FN3KRP: variants seen among roughly 807,000 people sequenced by gnomAD.
The protein encoded by FN3KRP is ketosamine-3-kinase.
A neutral mutation model predicts 29.8 loss-of-function variants in FN3KRP; 33 were observed. The ratio of observed to expected loss-of-function variants is 1.11; its 90% CI spans 0.84 to 1.48. The LOEUF is 1.48. Among genes scored for constraint, FN3KRP ranks in the 40% most tolerant of loss-of-function variants. The probability of loss-of-function intolerance (pLI) is 0.00; values close to 1 mark genes in which losing one functional copy is unlikely to be tolerated. For missense variants in FN3KRP, 430 were observed against 402.6 expected (o/e 1.07, Z -0.58); for synonymous variants, 157 against 155.2 (o/e 1.01, Z -0.09).
intron 4 of FN3KRP, among the ~76,000 whole-genome samples, 159 bp downstream of exon 4, chr17:82,723,045 C>T (rs1450188956): frequency 6.6e-6 from 1 of 152,192 alleles, no homozygotes; most frequent in Non-Finnish European, 1.5e-5. Context: ...AAGATTGACC[C>T]ACCTAATATG....
At chr17:82,723,469 G>T (rs748542965) in intron 4 of FN3KRP, among the ~76,000 whole-genome samples, 1 of 152,150 alleles carries the variant, frequency 6.6e-6, no homozygotes, top group Non-Finnish European at 1.5e-5. Flanking sequence ...CGCCAGCTCC[G>T]CCCCTTCGTC....
Position 82,727,976 on chromosome 17 carries a change from G to A in FN3KRP, c.*805G>A, listed in dbSNP as rs924292386. ...TGGCATTGATGCTAATAAATCCTTT[G>A]CACAAAAATTTGAATAAACTTCCAG... On this transcript the variant is annotated 3_prime_UTR_variant, in exon 6 of 6. Coordinates refer to ENST00000269373, the MANE Select transcript of FN3KRP (RefSeq NM_024619.4). 9.2e-5 allele frequency: 14 copies of A among 152,160 alleles called. No individual in the cohort carries two copies. Among genetic ancestry groups the A allele is most frequent in the African/African-American group, 3.1e-4 (13 of 41,430 alleles). The allele number at this position is 152,160 out of a possible 1,614,324, so 9.4% of individuals were successfully genotyped here. A position where few individuals can be genotyped will look rare whatever the true frequency, so the allele number is the denominator to read the frequency against.
At chr17:82,722,350 G>C (rs922852357) in intron 3 of FN3KRP, among the ~76,000 whole-genome samples, 1 of 152,220 alleles carries the variant, frequency 6.6e-6, no homozygotes, top group Admixed American at 6.5e-5. Flanking sequence ...GGGCAGGCTG[G>C]TCTCGAACTG....
rs766845832 is a variant in FN3KRP at position 82,720,393 on chromosome 17, C to T, written c.385+30C>T. 3.2e-6 allele frequency: 5 copies of T among 1,575,844 alleles called. No homozygotes were observed. The East Asian group carries it at 6.7e-5, about 21-fold the overall frequency. ...GGCACTGCGCGGGCCACGGGTGCTC[C>T]CGCCTAGAGGAGGACGTTCAGCCGG... On this transcript the variant is annotated intron_variant, in intron 3 of 5. Coordinates refer to ENST00000269373, the MANE Select transcript of FN3KRP (RefSeq NM_024619.4).
chr17:82,720,407 A>C, intron 3 of FN3KRP, 44 bp downstream of exon 3: 1 of 1,523,610 alleles, frequency 6.6e-7, no homozygotes. Context: ...CTAGAGGAGG[A>C]CGTTCAGCCG....
At position 82,722,904 on chromosome 17, in the gene FN3KRP, G is replaced by C. The variant is rs2046808677; in HGVS notation, c.468+18G>C. On this transcript the variant is annotated intron_variant, in intron 4 of 5. Transcript: ENST00000269373. ...TCCCCCAGGTGAGTGCACGGCGTTT[G>C]CTTCTATTTCACAATCAGGTCAGCT... 4 of 1,610,738 alleles carry C rather than the reference G, an allele frequency of 2.5e-6. No homozygotes were observed. Among genetic ancestry groups the C allele is most frequent in the Admixed American group, 1.7e-5 (1 of 59,770 alleles).
chr17:82,724,209 G>C (rs2046821206), intron 4 of FN3KRP, among the ~76,000 whole-genome samples: 1 of 152,122 alleles, frequency 6.6e-6, no homozygotes, highest in Non-Finnish European at 1.5e-5. Context: ...TGGGAGGATT[G>C]CTTAAGCCTG....
At position 82,723,608 on chromosome 17, in the gene FN3KRP, CGCATGTGTGCAT is replaced by C. The variant is rs1257473385; in HGVS notation, c.468+723_468+734del. Among the ~76,000 whole-genome samples the C allele has an allele frequency of 1.2e-4, 18 of 146,144 alleles. No homozygotes were observed. The South Asian group carries it at 3.1e-3, about 25-fold the overall frequency. On this transcript the variant is annotated intron_variant, in intron 4 of 5. Transcript: ENST00000269373. ...GCATATGTGTGCATGTGTATGTGCA[CGCATGTGTGCAT>C]ATGTGTATGTGTGCACACGTGTGTG...
At chr17:82,723,196 T>C (rs2246563) in intron 4 of FN3KRP, among the ~76,000 whole-genome samples, 83,408 of 151,844 alleles carry the variant, frequency 0.55, 23,290 homozygotes, top group Non-Finnish European at 0.6. Flanking sequence ...TTGTCACTTT[T>C]GGTTGTGTGA....
intron 5 of FN3KRP, 112 bp from the exon 6 acceptor site, chr17:82,726,721 C>T (rs1272007334): frequency 1.3e-6 from 2 of 1,506,410 alleles, no homozygotes; most frequent in East Asian, 2.3e-5. Context: ...GAAGCGGGTG[C>T]CTGGTGGTGT....
intron 3 of FN3KRP, among the ~76,000 whole-genome samples, chr17:82,721,473 G>A (rs367822583): frequency 6.6e-6 from 1 of 152,014 alleles, no homozygotes; most frequent in East Asian, 1.9e-4. Context: ...ATGGATTGGG[G>A]GCAGATTCTT....
At chr17:82,726,659 T>C in intron 5 of FN3KRP, 57 bp downstream of exon 5, 1 of 1,566,842 alleles carries the variant, frequency 6.4e-7, no homozygotes, top group Admixed American at 1.9e-5. Flanking sequence ...TTGCCTGAGG[T>C]AGGGGAGGCA....
chr17:82,718,655 C>T (rs1262610594), intron 1 of FN3KRP: 4 of 1,251,558 alleles, frequency 3.2e-6, no homozygotes, highest in Non-Finnish European at 4.1e-6. Flanking sequence ...GAGAACCTCC[C>T]AATTCAACCA....
In FN3KRP at chr17:82,716,746, C is replaced by T. The variant is rs1477469888; in HGVS notation, c.-10C>T. ...CAGATCCGGGGCGGGTCCGCGGCCG[C>T]GGCGGGAACATGGAGGAGCTCCTGA... On this transcript the variant is annotated 5_prime_UTR_variant, in exon 1 of 6. Coordinates refer to ENST00000269373, the MANE Select transcript of FN3KRP (RefSeq NM_024619.4). 8 of 1,485,406 alleles carry T rather than the reference C, an allele frequency of 5.4e-6. No homozygotes were observed. The highest frequency in any genetic ancestry group is 7.1e-6 in the Non-Finnish European group (8 of 1,123,812). 92.0% of individuals were successfully genotyped at this position (1,485,406 alleles called of 1,614,324 possible).
chr17:82,718,120 TTGTGTGTGTTGTGTGTCTGTATGTGTTG>T (rs1305087649), intron 1 of FN3KRP, among the ~76,000 whole-genome samples: 5 of 149,648 alleles, frequency 3.3e-5, no homozygotes, highest in African/African-American at 1.2e-4. Context: ...AAGTCGTATG[TTGTGTGTGTTGTGTGTCTGTATGTGTTG>T]TGTGTGTGTT....
chr17:82,716,954 G>T (rs940167871), intron 1 of FN3KRP, 58 bp downstream of exon 1: 51 of 1,518,768 alleles, frequency 3.4e-5, no homozygotes, highest in Non-Finnish European at 4.5e-5. Context: ...AGGGTCGCGG[G>T]CCTCGGCGCG....
Position 82,726,927 on chromosome 17 carries a change from G to C in FN3KRP, c.686G>C (p.Gly229Ala). Reference sequence around the variant, plus strand: ...GGAAACGTAGCAGAGGATTCCTCTGGGCCGGTGATTTTTGACCCAGCTTCT... The same window carrying C: ...GGAAACGTAGCAGAGGATTCCTCTGCGCCGGTGATTTTTGACCCAGCTTCT... ...WGGNVAEDSS[G>A]PVIFDPASFY... Residue 229 changes from glycine (G) to alanine (A), a missense_variant, in exon 6 of 6, where the codon GGG becomes GCG. By Grantham distance (60) the Gly-to-Ala change is moderately conservative. Transcript: ENST00000269373. 1.2e-6 allele frequency: 2 copies of C among 1,612,742 alleles called. No homozygotes were observed. The highest frequency in any genetic ancestry group is 1.7e-6 in the Non-Finnish European group (2 of 1,179,240).
At chr17:82,722,241 T>C (rs1264833639) in intron 3 of FN3KRP, among the ~76,000 whole-genome samples, 1 of 152,124 alleles carries the variant, frequency 6.6e-6, no homozygotes, top group Non-Finnish European at 1.5e-5. Context: ...TTCAAGTGAT[T>C]CTCCTGCCTC....
intron 1 of FN3KRP, among the ~76,000 whole-genome samples, chr17:82,718,166 T>C (rs1036172196): frequency 5.0e-4 from 76 of 150,556 alleles, no homozygotes; most frequent in African/African-American, 1.8e-3. Flanking sequence ...GTTGTGTGTC[T>C]GTATATGTTG....
Sources: gnomAD v4.1 joint callset for allele counts (sites outside exome capture counted in the v4.1 genomes callset) on GRCh38, gnomAD v4.1.1 for gene constraint, MANE v1.5 for transcripts, NCBI Gene and HGNC (gene_info 2026-07-23, HGNC 2026-07-21) for gene names.